Variants in ADGRE3 observed in about 807,000 individuals in gnomAD.
The protein encoded by ADGRE3 is EGF-like module receptor 3.
In ADGRE3, 88 loss-of-function variants were observed where a neutral mutation model predicts 80.1. The observed-to-expected ratio is 1.10, with a 90% CI of 0.93 to 1.31. The LOEUF is 1.31. Ranked by LOEUF, ADGRE3 falls within the 40% of genes most tolerant of loss-of-function variation. ADGRE3 has a pLI of 0.00. For missense variants in ADGRE3, 715 were observed against 776.5 expected, an observed-to-expected ratio of 0.92 and a Z score of 0.94; for synonymous variants, 281 against 294.8, an observed-to-expected ratio of 0.95 and a Z score of 0.48.
intron 2 of ADGRE3, 23 bp downstream of exon 2, chr19:14,668,779 C>T: frequency 1.2e-6 from 2 of 1,612,042 alleles, no homozygotes; most frequent in Non-Finnish European, 1.7e-6. Flanking sequence ...CACAAGTTCT[C>T]TGTTCTGGCT....
At chr19:14,625,693 T>G in intron 14 of ADGRE3, 94 bp from the exon 15 acceptor site, 1 of 711,586 alleles carries the variant, frequency 1.4e-6, no homozygotes, top group Non-Finnish European at 2.5e-6. Flanking sequence ...AGATGTATTA[T>G]TATTTATTTA....
intron 4 of ADGRE3, among the ~76,000 whole-genome samples, chr19:14,660,381 C>T (rs1209581950): frequency 6.6e-6 from 1 of 152,148 alleles, no homozygotes; most frequent in African/African-American, 2.4e-5. Flanking sequence ...AATCCCAGCA[C>T]TTTGGGAGGC....
At chr19:14,658,137 T>C (rs1971826967) in intron 5 of ADGRE3, among the ~76,000 whole-genome samples, 1 of 152,130 alleles carries the variant, frequency 6.6e-6, no homozygotes, top group East Asian at 1.9e-4. Context: ...GCAGTTCAAA[T>C]GTGTGTTGTT....
At chr19:14,643,513 C>G (rs1368261907) in intron 9 of ADGRE3, among the ~76,000 whole-genome samples, 1 of 151,990 alleles carries the variant, frequency 6.6e-6, no homozygotes, top group East Asian at 1.9e-4. Flanking sequence ...GGCATTGCAT[C>G]CCTATGTGAA....
Position 14,647,281 on chromosome 19 carries a change from T to C in ADGRE3, c.782A>G (p.Asp261Gly), listed in dbSNP as rs756805250. Residue 261 changes from aspartate (D) to glycine (G), a missense_variant, in exon 8 of 16, where the codon GAT becomes GGT. Asp to Gly is a moderately conservative substitution (Grantham distance 94). Transcript: ENST00000253673. ...AACCTGAGAGTTCAGATACACTTGATCTTTCTTATCCATCTCTTCAAAAAA... is the reference window on the plus strand; with the variant it reads ...AACCTGAGAGTTCAGATACACTTGACCTTTCTTATCCATCTCTTCAAAAAA... ...ATFFEEMDKKDQVYLNSQVVS... is the reference protein window; with the variant it reads ...ATFFEEMDKKGQVYLNSQVVS... The C allele has an allele frequency of 6.2e-7, 1 of 1,613,364 alleles. No individual in the cohort carries two copies. The highest frequency in any genetic ancestry group is 1.1e-5 in the South Asian group (1 of 91,072).
In ADGRE3 at chr19:14,644,121, G is replaced by A. The variant is rs776060649; in HGVS notation, c.1037C>T (p.Ala346Val). 4.5e-6 allele frequency: 7 copies of A among 1,549,914 alleles called. No homozygotes were observed. The African/African-American group carries it at 9.8e-5, about 22-fold the overall frequency. The change falls in exon 9 of 16, where the codon GCC (alanine) becomes GTC (valine). Residue 346 changes from alanine to valine, a missense_variant. Ala to Val is a moderately conservative substitution (Grantham distance 64). Coordinates refer to ENST00000253673, the MANE Select transcript of ADGRE3 (RefSeq NM_032571.5). ...TATACATCATACCTGGCTGGTCAGG[G>A]CCATCAGGACAGCGAAGCTGGACAG... ...SHLSSFAVLMALTSQEEDPVL... is the reference protein window; with the variant it reads ...SHLSSFAVLMVLTSQEEDPVL...
At chr19:14,668,255 AAAG>A (rs910633516) in intron 2 of ADGRE3, among the ~76,000 whole-genome samples, 15 of 152,152 alleles carry the variant, frequency 9.9e-5, no homozygotes, top group East Asian at 5.8e-4. Context: ...TGTCTCAAAA[AAAG>A]AAGAAGAAGA....
intron 4 of ADGRE3, among the ~76,000 whole-genome samples, 191 bp downstream of exon 4, chr19:14,661,772 C>T (rs1458024454): frequency 6.6e-6 from 1 of 152,106 alleles, no homozygotes; most frequent in Non-Finnish European, 1.5e-5. Context: ...TCGTGGTGCA[C>T]GTCTGTAATC....
At chr19:14,666,647 G>T (rs1433629852) in intron 2 of ADGRE3, among the ~76,000 whole-genome samples, 1 of 152,172 alleles carries the variant, frequency 6.6e-6, no homozygotes, top group African/African-American at 2.4e-5. Context: ...CGAGTGCTGG[G>T]ATTACAGGCG....
At chr19:14,628,166 T>G (rs1265370210) in intron 14 of ADGRE3, among the ~76,000 whole-genome samples, 1 of 149,330 alleles carries the variant, frequency 6.7e-6, no homozygotes, top group Admixed American at 6.7e-5. Context: ...AAAAAACGAA[T>G]AACAAAAACT....
In ADGRE3 at chr19:14,665,951, T is replaced by TGC. The variant is rs1568500795; in HGVS notation, c.77-2412_77-2411insGC. Among the ~76,000 whole-genome samples, 87 of 31,180 alleles carry TGC rather than the reference T, an allele frequency of 2.8e-3. 10 individuals are homozygous for TGC. Among genetic ancestry groups the TGC allele is most frequent in the East Asian group, 0.012 (7 of 590 alleles). The allele number at this position is 31,180 out of a possible 152,430, so 20.5% of individuals were successfully genotyped here. A position where few individuals can be genotyped will look rare whatever the true frequency, so the allele number is the denominator to read the frequency against. ...ACACATATGTGTATATATATATATA[T>TGC]ATATATATATATATATATATATATA... On this transcript the variant is annotated intron_variant, in intron 2 of 15. Transcript: ENST00000253673.
the ADGRE3 span, among the ~76,000 whole-genome samples, chr19:14,601,333 C>T: frequency 6.6e-6 from 1 of 152,278 alleles, no homozygotes; most frequent in East Asian, 1.9e-4. Flanking sequence ...ATGTACACGC[C>T]TATCTTTTAA....
At chr19:14,670,900 A>T (rs11085904) in intron 1 of ADGRE3, among the ~76,000 whole-genome samples, 5,924 of 152,282 alleles carry the variant, frequency 0.039, 194 homozygotes, top group East Asian at 0.093. Context: ...CACTACCTGC[A>T]TGGAAGTGCT....
At chr19:14,630,480 C>T (rs1970852133) in intron 13 of ADGRE3, among the ~76,000 whole-genome samples, 2 of 152,012 alleles carry the variant, frequency 1.3e-5, no homozygotes, top group South Asian at 4.1e-4. Flanking sequence ...ATGATCTCGA[C>T]TCACTGCAAC....
intron 7 of ADGRE3, among the ~76,000 whole-genome samples, chr19:14,648,087 C>CAAAAAAAAAA (rs60371636): frequency 9.2e-6 from 1 of 108,368 alleles, no homozygotes; most frequent in Non-Finnish European, 1.8e-5. Flanking sequence ...ATCTCAAAGA[C>CAAAAAAAAAA]AAAAAAAAAA....
At chr19:14,602,325 T>A in the ADGRE3 span, among the ~76,000 whole-genome samples, 1 of 152,204 alleles carries the variant, frequency 6.6e-6, no homozygotes, top group African/African-American at 2.4e-5. Context: ...GGTCTCACTT[T>A]GTCACCCAGG....
In ADGRE3 at chr19:14,652,312, T is replaced by C. The variant is rs1021579422; in HGVS notation, c.578-1108A>G. On this transcript the variant is annotated intron_variant, in intron 6 of 15. Coordinates refer to ENST00000253673, the MANE Select transcript of ADGRE3 (RefSeq NM_032571.5). ...ACACCTTAATAAAGCTAAAAAATGT[T>C]AAGCTCATGAAAATATGTATCTTAA... 7.9e-4 allele frequency among the ~76,000 whole-genome samples: 120 copies of C among 152,246 alleles called. 1 individual carries two copies. The highest frequency in any genetic ancestry group is 2.7e-3 in the African/African-American group (113 of 41,560).
the ADGRE3 span, among the ~76,000 whole-genome samples, chr19:14,613,740 C>T: frequency 6.6e-6 from 1 of 152,096 alleles, no homozygotes; most frequent in Non-Finnish European, 1.5e-5. Context: ...GGCTGGAGTA[C>T]AGTGGCATGA....
chr19:14,610,053 C>T, the ADGRE3 span: 59 of 1,609,830 alleles, frequency 3.7e-5, no homozygotes, highest in Middle Eastern at 3.3e-4. Flanking sequence ...CCCACTTTTT[C>T]CTCCATCCAG....
Sources: gnomAD v4.1 joint callset for allele counts (sites outside exome capture counted in the v4.1 genomes callset) on GRCh38, gnomAD v4.1.1 for gene constraint, MANE v1.5 for transcripts, NCBI Gene and HGNC (gene_info 2026-07-23, HGNC 2026-07-21) for gene names.